The following SEZ6L variants were observed in gnomAD, a reference collection of about 807,000 sequenced individuals.
SEZ6L encodes the protein seizure related 6 homolog like.
In SEZ6L, 37 loss-of-function variants were observed where a neutral mutation model predicts 106.2. The ratio of observed to expected loss-of-function variants is 0.35; its 90% confidence interval spans 0.27 to 0.46. The LOEUF (loss-of-function observed/expected upper bound fraction) is 0.46. Among genes scored for constraint, SEZ6L ranks in the 20% least tolerant of loss-of-function variants. The pLI, the probability that SEZ6L is intolerant of heterozygous loss-of-function variation, is 1.00. For missense variants in SEZ6L, 1,172 were observed against 1,332.8 expected, an observed-to-expected ratio of 0.88 and a Z score of 1.88; for synonymous variants, 541 against 570.4, an observed-to-expected ratio of 0.95 and a Z score of 0.73.
intron 1 of SEZ6L, among the ~76,000 whole-genome samples, chr22:26,195,179 G>C (rs574790668): frequency 1.3e-5 from 2 of 152,182 alleles, no homozygotes; most frequent in Admixed American, 1.3e-4. Flanking sequence ...CTTACCTGAC[G>C]TGCCACCTCA....
At chr22:26,364,377 G>A (rs953459671) in intron 12 of SEZ6L, among the ~76,000 whole-genome samples, 12 of 148,388 alleles carry the variant, frequency 8.1e-5, no homozygotes, top group African/African-American at 3.0e-4. Context: ...CTTGAGCCCA[G>A]GAGTTTGAGA....
At chr22:26,191,156 G>A (rs1354919576) in intron 1 of SEZ6L, among the ~76,000 whole-genome samples, 1 of 152,136 alleles carries the variant, frequency 6.6e-6, no homozygotes, top group East Asian at 1.9e-4. Flanking sequence ...AAACATTTAA[G>A]CAACAACCTC....
At chr22:26,182,168 T>A (rs1293075420) in intron 1 of SEZ6L, among the ~76,000 whole-genome samples, 4 of 152,220 alleles carry the variant, frequency 2.6e-5, no homozygotes, top group Admixed American at 2.6e-4. Flanking sequence ...TGAAGTGTTA[T>A]TGTTCTTAAT....
rs181963532 is a variant in SEZ6L at position 26,206,474 on chromosome 22, C to T, written c.94+36711C>T. 2.2e-4 allele frequency among the ~76,000 whole-genome samples: 34 copies of T among 152,288 alleles called. No homozygotes were observed. In the East Asian group the frequency reaches 4.6e-3, roughly 21 times the overall value. On this transcript the variant is annotated intron_variant, in intron 1 of 16. Transcript: ENST00000248933. ...TTTCAAAACTCCCATGCAGTAGATA[C>T]CATCCCCATTTTGAAAATAAGGAAA...
chr22:26,180,635 G>C (rs534773344), intron 1 of SEZ6L, among the ~76,000 whole-genome samples: 3 of 152,192 alleles, frequency 2.0e-5, no homozygotes, highest in Non-Finnish European at 4.4e-5. Context: ...AGCTAGAAAA[G>C]AGGAGCCTCA....
chr22:26,225,309 A>G lies in SEZ6L; in HGVS notation c.94+55546A>G, dbSNP rs900685435. ...AGAGAGATTGGCTTGCCTCCCCCTA[A>G]TCAATGCCATCCACAAAACACTAAG... On this transcript the variant is annotated intron_variant, in intron 1 of 16. Coordinates refer to ENST00000248933, the MANE Select transcript of SEZ6L (RefSeq NM_021115.5). 3.9e-5 allele frequency among the ~76,000 whole-genome samples: 6 copies of G among 152,196 alleles called. 1 individual carries two copies. Among genetic ancestry groups the G allele is most frequent in the Admixed American group, 3.3e-4 (5 of 15,284 alleles).
At chr22:26,241,872 C>T (rs78128022) in intron 1 of SEZ6L, among the ~76,000 whole-genome samples, 6 of 152,170 alleles carry the variant, frequency 3.9e-5, no homozygotes, top group East Asian at 1.9e-4. Flanking sequence ...CCAAGGACAC[C>T]GGGAGGACAA....
intron 1 of SEZ6L, among the ~76,000 whole-genome samples, chr22:26,223,599 C>A (rs758363075): frequency 2.0e-5 from 3 of 148,290 alleles, no homozygotes; most frequent in Admixed American, 6.7e-5. Flanking sequence ...AGCTGTGTGT[C>A]CCTGAGAAAA....
At chr22:26,225,164 G>A (rs951729590) in intron 1 of SEZ6L, among the ~76,000 whole-genome samples, 1 of 152,246 alleles carries the variant, frequency 6.6e-6, no homozygotes, top group East Asian at 1.9e-4. Flanking sequence ...TTTCTCCCAG[G>A]CTCAAGTAAT....
intron 16 of SEZ6L, 38 bp downstream of exon 16, chr22:26,377,813 C>A: frequency 2.1e-6 from 3 of 1,409,290 alleles, no homozygotes; most frequent in Non-Finnish European, 3.0e-6. Flanking sequence ...AATTCCCTCC[C>A]TCTTTGCTCT....
chr22:26,171,130 G>T (rs1601942807), intron 1 of SEZ6L, among the ~76,000 whole-genome samples: 1 of 152,178 alleles, frequency 6.6e-6, no homozygotes, highest in South Asian at 2.1e-4. Flanking sequence ...AGCCCAGAGT[G>T]CAGAGCAAAG....
At chr22:26,322,161 T>C (rs550327412) in intron 9 of SEZ6L, among the ~76,000 whole-genome samples, 15 of 152,306 alleles carry the variant, frequency 9.8e-5, no homozygotes, top group African/African-American at 3.6e-4. Context: ...ATCTGGCACA[T>C]AGTTGGTGCT....
At chr22:26,274,023 T>G (rs377437371) in intron 1 of SEZ6L, among the ~76,000 whole-genome samples, 4 of 152,082 alleles carry the variant, frequency 2.6e-5, no homozygotes, top group African/African-American at 9.7e-5. Context: ...AAAGAGAAAT[T>G]GTACCTTAGG....
At chr22:26,344,332 G>A (rs2082940297) in intron 10 of SEZ6L, among the ~76,000 whole-genome samples, 1 of 152,222 alleles carries the variant, frequency 6.6e-6, no homozygotes, top group Admixed American at 6.5e-5. Context: ...AAAGGCATGG[G>A]ATGGAAGGGA....
chr22:26,242,349 C>G (rs2079164723), intron 1 of SEZ6L, among the ~76,000 whole-genome samples: 1 of 152,240 alleles, frequency 6.6e-6, no homozygotes, highest in African/African-American at 2.4e-5. Flanking sequence ...GCCCTGGGCT[C>G]AAGCCCCTCC....
chr22:26,302,854 C>T (rs908771428), intron 5 of SEZ6L, among the ~76,000 whole-genome samples: 2 of 152,208 alleles, frequency 1.3e-5, no homozygotes, highest in African/African-American at 4.8e-5. Context: ...AGCAGAGAAG[C>T]CGCAAACGAT....
At chr22:26,335,292 A>AT (rs1172070774) in intron 9 of SEZ6L, among the ~76,000 whole-genome samples, 3 of 152,076 alleles carry the variant, frequency 2.0e-5, no homozygotes, top group South Asian at 2.1e-4. Flanking sequence ...ATCCTATATT[A>AT]TTTTTTTCCT....
At chr22:26,203,855 C>G (rs1300130658) in intron 1 of SEZ6L, among the ~76,000 whole-genome samples, 2 of 152,112 alleles carry the variant, frequency 1.3e-5, no homozygotes, top group Non-Finnish European at 2.9e-5. Flanking sequence ...AATGTAGACC[C>G]CTTAAGAGCT....
chr22:26,254,023 A>G (rs903556982), intron 1 of SEZ6L: 1 of 152,252 alleles, frequency 6.6e-6, no homozygotes, highest in South Asian at 2.1e-4. Flanking sequence ...CATCCTTCGT[A>G]GAGGTCAAGT....
Sources: allele counts gnomAD v4.1 joint callset (sites outside exome capture counted in the v4.1 genomes callset), GRCh38; gene constraint gnomAD v4.1.1; transcripts MANE v1.5; gene names NCBI Gene and HGNC (gene_info 2026-07-23, HGNC 2026-07-21).